Variants in DHRS9 observed in about 807,000 individuals in gnomAD.
The protein encoded by DHRS9 is dehydrogenase/reductase SDR family member 9.
In DHRS9, 18 loss-of-function variants were observed where a neutral mutation model predicts 26.6. The ratio of observed to expected loss-of-function variants is 0.68; its 90% CI spans 0.47 to 1.00. The LOEUF is 1.00. Ranked by LOEUF, DHRS9 falls within the 50% of genes least tolerant of loss-of-function variation. The pLI, the probability that DHRS9 is intolerant of heterozygous loss-of-function variation, is 0.00. For synonymous variants in DHRS9, 134 were observed against 141.1 expected (o/e 0.95, Z 0.36); for missense variants, 425 against 378.7 (o/e 1.12, Z -1.01).
chr2:169,076,340 T>C (rs1683961668), intron 1 of DHRS9, among the ~76,000 whole-genome samples: 1 of 152,228 alleles, frequency 6.6e-6, no homozygotes, highest in South Asian at 2.1e-4. Flanking sequence ...TACTTACTTG[T>C]AGCATAAGAT....
chr2:169,069,434 T>C, upstream of DHRS9: 1 of 985,480 alleles, frequency 1.0e-6, no homozygotes, highest in East Asian at 1.1e-4. Context: ...TGATTCCTTT[T>C]GAAACATGCG....
chr2:169,091,890 G>T lies in DHRS9; in HGVS notation c.673G>T (p.Ala225Ser), dbSNP rs769680564. 1 of 1,613,926 alleles carries T rather than the reference G, an allele frequency of 6.2e-7. No homozygotes were observed. The highest frequency in any genetic ancestry group is 8.5e-7 in the Non-Finnish European group (1 of 1,179,958). ...AGTAAAGGTAATTGAAAAAAAACTCGCCATTTGGGAGCAGCTGTCTCCAGA... is the reference window on the plus strand; with the variant it reads ...AGTAAAGGTAATTGAAAAAAAACTCTCCATTTGGGAGCAGCTGTCTCCAGA... ...DPVKVIEKKL[A>S]IWEQLSPDIK... The change falls in exon 4 of 5, where the codon GCC (alanine) becomes TCC (serine). Residue 225 changes from alanine to serine, a missense_variant. Coordinates refer to ENST00000674881, the MANE Select transcript of DHRS9 (RefSeq NM_001376924.1).
intron 1 of DHRS9, among the ~76,000 whole-genome samples, chr2:169,075,428 C>T (rs773237526): frequency 2.6e-5 from 4 of 152,082 alleles, no homozygotes; most frequent in Non-Finnish European, 4.4e-5. Context: ...AGACATGATG[C>T]TCCTTACTCT....
chr2:169,091,321 G>A (rs999387003), intron 3 of DHRS9, among the ~76,000 whole-genome samples: 2 of 152,030 alleles, frequency 1.3e-5, no homozygotes, highest in Non-Finnish European at 2.9e-5. Flanking sequence ...AGCATAGGGA[G>A]CAGGTTAGTC....
intron 1 of DHRS9, chr2:169,070,401 G>A: frequency 1.0e-6 from 1 of 985,400 alleles, no homozygotes; most frequent in South Asian, 4.7e-5. Flanking sequence ...TAGGAGGTGT[G>A]CTTCAATAAA....
chr2:169,068,778 C>T (rs1027921552), upstream of DHRS9, among the ~76,000 whole-genome samples: 10 of 152,036 alleles, frequency 6.6e-5, no homozygotes, highest in African/African-American at 9.7e-5. Flanking sequence ...AACTGGTATA[C>T]GAGGAAACTG....
chr2:169,070,673 C>CA (rs1265804550), intron 1 of DHRS9: 7 of 983,538 alleles, frequency 7.1e-6, no homozygotes, highest in Non-Finnish European at 8.4e-6. Flanking sequence ...TAAGTACACA[C>CA]AAAAAAATCA....
chr2:169,069,429 C>T (rs1206252267), upstream of DHRS9: 3 of 985,252 alleles, frequency 3.0e-6, no homozygotes, highest in Non-Finnish European at 3.6e-6. Flanking sequence ...ACTGCTGATT[C>T]CTTTTGAAAC....
At chr2:169,070,211 AG>A in intron 1 of DHRS9, 1 of 985,414 alleles carries the variant, frequency 1.0e-6, no homozygotes, top group Non-Finnish European at 1.2e-6. Context: ...CACTAAACTG[AG>A]GGGAAAAAAT....
intron 3 of DHRS9, among the ~76,000 whole-genome samples, chr2:169,086,546 A>AT (rs113713319): frequency 1.5e-3 from 205 of 134,816 alleles, no homozygotes; most frequent in Non-Finnish European, 1.7e-3. Context: ...ATGCTTGTGG[A>AT]TTTTTTTTTT....
rs891836924 is a variant in DHRS9, at chr2:169,070,246, G to T, written c.-60+529G>T. The T allele has an allele frequency of 4.1e-6, 4 of 985,238 alleles. No homozygotes were observed. In the African/African-American group the frequency reaches 7.0e-5, roughly 17 times the overall value. 61.0% of individuals were successfully genotyped at this position (985,238 alleles called of 1,614,324 possible). A position where few individuals can be genotyped will look rare whatever the true frequency, so the allele number is the denominator to read the frequency against. On this transcript the variant is annotated intron_variant, in intron 1 of 4. Transcript: ENST00000674881. ...ATGCCTTGTAGGTCATAAAAAAGCA[G>T]GGAAATTCCCAACAATTCATATTTG...
Position 169,095,614 on chromosome 2 carries a change from C to A in DHRS9, c.807C>A (p.Asp269Glu), listed in dbSNP as rs566475351. The A allele has an allele frequency of 1.5e-5, 25 of 1,613,882 alleles. No individual in the cohort carries two copies. The highest frequency in any genetic ancestry group is 8.9e-5 in the East Asian group (4 of 44,858). The change falls in exon 5 of 5, where the codon GAC becomes GAA. Residue 269 changes from aspartate (D) to glutamate (E), a missense_variant. By Grantham distance (45) the Asp-to-Glu change is conservative. Transcript: ENST00000674881. ...MDLSPVVECM[D>E]HALTSLFPKT... is the part of the protein sequence containing the mutation. Reference sequence around the variant, plus strand: ...TCTCTCCGGTGGTAGAGTGCATGGACCACGCTCTAACAAGTCTCTTCCCTA... The same window carrying A: ...TCTCTCCGGTGGTAGAGTGCATGGAACACGCTCTAACAAGTCTCTTCCCTA...
intron 3 of DHRS9, 134 bp from the exon 4 acceptor site, chr2:169,091,656 A>C: frequency 3.0e-6 from 3 of 984,302 alleles, no homozygotes; most frequent in Non-Finnish European, 4.4e-6. Context: ...AAAGGGAGAG[A>C]GAATAAGATA....
intron 3 of DHRS9, among the ~76,000 whole-genome samples, chr2:169,089,139 T>G (rs74967648): frequency 1.8e-3 from 268 of 152,290 alleles, no homozygotes; most frequent in Non-Finnish European, 1.8e-3. Context: ...TATAAACATG[T>G]GTGAGGTATC....
chr2:169,084,837 G>A (rs1395955279), intron 3 of DHRS9, among the ~76,000 whole-genome samples: 1 of 152,014 alleles, frequency 6.6e-6, no homozygotes, highest in Non-Finnish European at 1.5e-5. Flanking sequence ...TCAAATTGAT[G>A]TAATCCCATT....
At chr2:169,067,265 G>A (rs1683671496), upstream of DHRS9, 2 of 1,535,324 alleles carry the variant, frequency 1.3e-6, no homozygotes, top group Non-Finnish European at 1.7e-6. Flanking sequence ...CCTGCACACT[G>A]GAGTAAGTGC....
chr2:169,092,761 T>C (rs1684570746), intron 4 of DHRS9, among the ~76,000 whole-genome samples: 1 of 152,158 alleles, frequency 6.6e-6, no homozygotes, highest in African/African-American at 2.4e-5. Flanking sequence ...GGGAGAATAA[T>C]AATAAAGATG....
chr2:169,094,383 T>G (rs958150890), intron 4 of DHRS9, among the ~76,000 whole-genome samples: 43 of 152,194 alleles, frequency 2.8e-4, no homozygotes, highest in African/African-American at 9.7e-4. Flanking sequence ...TTCTCTTCAC[T>G]CTTTCAACTG....
upstream of DHRS9, among the ~76,000 whole-genome samples, chr2:169,068,243 T>C (rs115896129): frequency 8.1e-3 from 1,230 of 152,354 alleles, 14 homozygotes; most frequent in Middle Eastern, 0.02. Context: ...GCCATACTTA[T>C]GAAATGCTAA....
Sources: allele counts gnomAD v4.1 joint callset (sites outside exome capture counted in the v4.1 genomes callset), GRCh38; gene constraint gnomAD v4.1.1; transcripts MANE v1.5; gene names NCBI Gene and HGNC (gene_info 2026-07-23, HGNC 2026-07-21).